Variants in MAP3K1 observed in about 807,000 individuals in gnomAD.
MAP3K1 encodes mitogen-activated protein kinase kinase kinase 1.
Under a neutral mutation model 144.2 loss-of-function variants are expected in MAP3K1, and 36 were observed. That is an observed-to-expected ratio of 0.25 (90% CI 0.19 to 0.33). The LOEUF is 0.33. Ranked by LOEUF, MAP3K1 falls within the 10% of genes least tolerant of loss-of-function variation. The probability of loss-of-function intolerance (pLI) is 1.00; values close to 1 mark genes in which losing one functional copy is unlikely to be tolerated. For missense variants in MAP3K1, 1,650 were observed against 1,881.9 expected, an observed-to-expected ratio of 0.88 and a Z score of 2.28; for synonymous variants, 718 against 688.7, an observed-to-expected ratio of 1.04 and a Z score of -0.67.
chr5:56,822,463 T>C (rs185332876), intron 1 of MAP3K1, among the ~76,000 whole-genome samples: 9 of 152,354 alleles, frequency 5.9e-5, no homozygotes, highest in Admixed American at 1.3e-4. Context: ...CTGTCAAATA[T>C]TGAGAAAACT....
chr5:56,878,718 A>T (rs1748112905), intron 10 of MAP3K1, among the ~76,000 whole-genome samples: 1 of 151,936 alleles, frequency 6.6e-6, no homozygotes, highest in Non-Finnish European at 1.5e-5. Context: ...TTTTAAAATA[A>T]TTTTTTTTAA....
chr5:56,852,086 A>C (rs918301989), intron 1 of MAP3K1: 1 of 35,318 alleles, frequency 2.8e-5, no homozygotes, highest in Non-Finnish European at 1.2e-4. Flanking sequence ...TGGCAGGGAA[A>C]AAAAAAAAAA....
chr5:56,848,364 A>C (rs1009876522), intron 1 of MAP3K1, among the ~76,000 whole-genome samples: 1 of 152,188 alleles, frequency 6.6e-6, no homozygotes, highest in South Asian at 2.1e-4. Flanking sequence ...TTTGTCCATC[A>C]TGAATGATGG....
At chr5:56,893,459 G>A (rs928819240) in intron 19 of MAP3K1, 72 bp from the exon 20 acceptor site, 78 of 1,449,000 alleles carry the variant, frequency 5.4e-5, no homozygotes, top group Non-Finnish European at 7.2e-5. Context: ...GGGTTATGAG[G>A]TCTATGCACA....
intron 1 of MAP3K1, among the ~76,000 whole-genome samples, chr5:56,834,770 T>G (rs1746596689): frequency 6.6e-6 from 1 of 152,148 alleles, no homozygotes; most frequent in South Asian, 2.1e-4. Flanking sequence ...CCTTTTAAAT[T>G]AAAATGTGAG....
At chr5:56,880,372 G>C (rs965776328) in intron 11 of MAP3K1, among the ~76,000 whole-genome samples, 1 of 152,144 alleles carries the variant, frequency 6.6e-6, no homozygotes, top group Non-Finnish European at 1.5e-5. Flanking sequence ...GAGCTTCTTA[G>C]TGAAAGTTCA....
intron 1 of MAP3K1, among the ~76,000 whole-genome samples, chr5:56,835,313 AAGGCAGGGAAGAGGAGACAAGG>A (rs1746614526): frequency 6.6e-6 from 1 of 150,440 alleles, no homozygotes; most frequent in African/African-American, 2.5e-5. Flanking sequence ...AGGAGACAGG[AAGGCAGGGAAGAGGAGACAAGG>A]AGGCAGGGAA....
Position 56,890,492 on chromosome 5 carries a change from G to A in MAP3K1, c.4389+2135G>A, listed in dbSNP as rs531218782. On this transcript the variant is annotated intron_variant, in intron 19 of 19. Coordinates refer to ENST00000399503, the MANE Select transcript of MAP3K1 (RefSeq NM_005921.2). ...GTTTATGGTAGTATAAATTGCCATA[G>A]CACGTTTTTTTAGAGAGTGATTTGG... Among the ~76,000 whole-genome samples, 4 of 152,218 alleles carry A rather than the reference G, an allele frequency of 2.6e-5. No homozygotes were observed. In the East Asian group the frequency reaches 7.8e-4, roughly 30 times the overall value.
At position 56,894,610 on chromosome 5, in the gene MAP3K1, T is replaced by C. The variant is rs1579793866; in HGVS notation, c.*930T>C. 3 of 232,400 alleles carry C rather than the reference T, an allele frequency of 1.3e-5. No homozygotes were observed. The highest frequency in any genetic ancestry group is 1.7e-5 in the Non-Finnish European group (2 of 117,602). 14.4% of individuals were successfully genotyped at this position (232,400 alleles called of 1,614,324 possible). A position where few individuals can be genotyped will look rare whatever the true frequency, so the allele number is the denominator to read the frequency against. On this transcript the variant is annotated 3_prime_UTR_variant, in exon 20 of 20. Transcript: ENST00000399503. ...ATTACCTTAAAATTTATTTGAATTT[T>C]TTAGATGTTTTGGTTGTCAAACTGT...
intron 19 of MAP3K1, among the ~76,000 whole-genome samples, chr5:56,890,901 C>T (rs1046706411): frequency 6.6e-6 from 1 of 151,384 alleles, no homozygotes; most frequent in African/African-American, 2.4e-5. Flanking sequence ...AAAAAATTAG[C>T]TGGGCATAGT....
chr5:56,864,966 G>A (rs541934095), intron 4 of MAP3K1, 32 bp downstream of exon 4: 3 of 1,593,148 alleles, frequency 1.9e-6, no homozygotes, highest in East Asian at 4.5e-5. Context: ...TACTTTATTA[G>A]TAGTAGTATA....
intron 2 of MAP3K1, among the ~76,000 whole-genome samples, chr5:56,857,244 A>G (rs1747370128): frequency 6.6e-6 from 1 of 152,156 alleles, no homozygotes; most frequent in South Asian, 2.1e-4. Context: ...TGTTATCCTC[A>G]TTTGACATGA....
At chr5:56,825,094 G>A (rs1315791409) in intron 1 of MAP3K1, among the ~76,000 whole-genome samples, 1 of 152,130 alleles carries the variant, frequency 6.6e-6, no homozygotes, top group Middle Eastern at 3.4e-3. Context: ...CACAACCTCC[G>A]CCTCCCAGGT....
chr5:56,892,200 TTA>T (rs1200445671), intron 19 of MAP3K1, among the ~76,000 whole-genome samples: 3 of 152,250 alleles, frequency 2.0e-5, no homozygotes, highest in African/African-American at 7.2e-5. Context: ...GTGTCCTCTT[TTA>T]TTTCATTGAG....
intron 1 of MAP3K1, among the ~76,000 whole-genome samples, chr5:56,839,404 A>G (rs1021745973): frequency 3.9e-5 from 6 of 152,184 alleles, no homozygotes; most frequent in Non-Finnish European, 8.8e-5. Flanking sequence ...AAATTGATTT[A>G]TCCTTGCTTA....
At chr5:56,845,759 C>A (rs1746974483) in intron 1 of MAP3K1, among the ~76,000 whole-genome samples, 1 of 152,102 alleles carries the variant, frequency 6.6e-6, no homozygotes, top group African/African-American at 2.4e-5. Context: ...CCTCAAGTAC[C>A]AAGGACACAA....
chr5:56,859,864 A>T lies in MAP3K1; in HGVS notation c.783A>T (p.Thr261=), dbSNP rs532941102. 26 of 1,613,886 alleles carry T rather than the reference A, an allele frequency of 1.6e-5. No individual in the cohort carries two copies. Among genetic ancestry groups the T allele is most frequent in the Non-Finnish European group, 2.2e-5 (26 of 1,179,914 alleles). ...CTGGCAACTCCCCATCAGGTCGCAC[A>T]GTGAAATCAGAATCTCCAGGAGTAA... The part of the protein sequence containing the change: ...PSPGNSPSGR[T]VKSESPGVRR... The change falls in exon 3 of 20, where the codon ACA becomes ACT. Residue 261 remains threonine (T), a synonymous_variant. Transcript: ENST00000399503.
chr5:56,833,021 A>G (rs115495921), intron 1 of MAP3K1, among the ~76,000 whole-genome samples: 12,895 of 152,054 alleles, frequency 0.085, 1,023 homozygotes, highest in East Asian at 0.34. Context: ...ACAGGCATGC[A>G]TCACCGCACC....
chr5:56,820,660 A>C (rs917724670), intron 1 of MAP3K1: 1 of 985,266 alleles, frequency 1.0e-6, no homozygotes, highest in Non-Finnish European at 1.2e-6. Flanking sequence ...TGGTTCATTC[A>C]TGGTAATCAC....
Sources: allele counts gnomAD v4.1 joint callset (sites outside exome capture counted in the v4.1 genomes callset), GRCh38; gene constraint gnomAD v4.1.1; transcripts MANE v1.5; gene names NCBI Gene and HGNC (gene_info 2026-07-23, HGNC 2026-07-21).